Variants in SPATA6 observed in about 807,000 individuals in gnomAD.
SPATA6 encodes the protein spermatogenesis associated 6, also known as spermatogenesis-associated protein 6.
SPATA6 carries 56 observed loss-of-function variants against 65.3 expected under a neutral mutation model. The observed-to-expected ratio is 0.86, with a 90% CI of 0.69 to 1.07. The LOEUF (loss-of-function observed/expected upper bound fraction) is 1.07, where lower values mean the gene tolerates loss of function less well. SPATA6 is among the 50% of genes least tolerant of loss of function. The pLI, the probability that SPATA6 is intolerant of heterozygous loss-of-function variation, is 0.00. For missense variants in SPATA6, 590 were observed against 594.8 expected (o/e 0.99, Z 0.08); for synonymous variants, 199 against 213.2 (o/e 0.93, Z 0.58).
chr1:48,411,282 T>C (rs1036958911), intron 5 of SPATA6, among the ~76,000 whole-genome samples, 182 bp downstream of exon 5: 1 of 152,240 alleles, frequency 6.6e-6, no homozygotes. Context: ...TAAATAAATA[T>C]CTTTATATGT....
the SPATA6 span, among the ~76,000 whole-genome samples, chr1:48,264,030 T>A: frequency 6.6e-6 from 1 of 152,200 alleles, no homozygotes; most frequent in South Asian, 2.1e-4. Flanking sequence ...AGTCTTGCTA[T>A]GTTGCCCAGG....
intron 12 of SPATA6, among the ~76,000 whole-genome samples, chr1:48,304,494 A>G (rs1645012738): frequency 6.6e-6 from 1 of 152,144 alleles, no homozygotes. Flanking sequence ...TACCCATGAT[A>G]TCCCATTTTT....
chr1:48,343,428 A>G (rs1034367498), intron 11 of SPATA6, among the ~76,000 whole-genome samples: 5 of 152,202 alleles, frequency 3.3e-5, no homozygotes, highest in Admixed American at 2.6e-4. Flanking sequence ...ATGAACAATG[A>G]CATTAAGTAA....
At chr1:48,413,262 A>G (rs1652435631) in intron 3 of SPATA6, 111 bp from the exon 4 acceptor site, 1 of 332,548 alleles carries the variant, frequency 3.0e-6, no homozygotes, top group Non-Finnish European at 5.5e-6. Context: ...TAGACTACAT[A>G]TATGTTTATA....
Position 48,351,660 on chromosome 1 carries a change from A to G in SPATA6, c.1194+4010T>C, listed in dbSNP as rs115041597. 2.8e-3 allele frequency among the ~76,000 whole-genome samples: 430 copies of G among 152,244 alleles called. 2 individuals are homozygous for G. The highest frequency in any genetic ancestry group is 9.9e-3 in the African/African-American group (411 of 41,566). On this transcript the variant is annotated intron_variant, in intron 11 of 12. Coordinates refer to ENST00000371847, the MANE Select transcript of SPATA6 (RefSeq NM_019073.4). Reference sequence around the variant, plus strand: ...TTGTGATGTATTTTCATTTTTATATACAGATGGATTTAATTTGCTAATATG... The same window carrying G: ...TTGTGATGTATTTTCATTTTTATATGCAGATGGATTTAATTTGCTAATATG...
chr1:48,421,428 C>CTCTA (rs1290857046), intron 3 of SPATA6, among the ~76,000 whole-genome samples: 2 of 151,918 alleles, frequency 1.3e-5, no homozygotes, highest in African/African-American at 4.8e-5. Context: ...TATATTTGAT[C>CTCTA]TCTATCTTAT....
rs1215533406 is a variant in SPATA6 at position 48,298,478 on chromosome 1, T to C, written c.*235A>G. The C allele has an allele frequency of 5.6e-6, 2 of 357,700 alleles. No homozygotes were observed. Among genetic ancestry groups the C allele is most frequent in the Non-Finnish European group, 1.0e-5 (2 of 200,658 alleles). The allele number at this position is 357,700 out of a possible 1,614,324, so 22.2% of individuals were successfully genotyped here. A position where few individuals can be genotyped will look rare whatever the true frequency, so the allele number is the denominator to read the frequency against. On this transcript the variant is annotated 3_prime_UTR_variant, in exon 13 of 13. Transcript: ENST00000371847. The stretch of plus-strand genomic sequence containing the variant: ...TATCCTTGTCACATATTGGAAGTTG[T>C]GATTGTGTGACAGAGCTCTAATGTT...
chr1:48,464,675 CAG>C (rs59702245), intron 1 of SPATA6, among the ~76,000 whole-genome samples: 3,771 of 152,218 alleles, frequency 0.025, 103 homozygotes, highest in African/African-American at 0.067. Flanking sequence ...ACAAAATAGA[CAG>C]ATCATAGATA....
intron 1 of SPATA6, among the ~76,000 whole-genome samples, chr1:48,453,465 A>G (rs1440057696): frequency 6.6e-6 from 1 of 152,186 alleles, no homozygotes; most frequent in Non-Finnish European, 1.5e-5. Context: ...AAAGTTATTC[A>G]GCATCATTTA....
chr1:48,366,449 C>T (rs917544612), intron 9 of SPATA6, among the ~76,000 whole-genome samples: 6 of 152,122 alleles, frequency 3.9e-5, no homozygotes, highest in Non-Finnish European at 7.4e-5. Flanking sequence ...GGTTGGTAAG[C>T]TATTGATTAT....
intron 3 of SPATA6, among the ~76,000 whole-genome samples, chr1:48,431,482 A>AGTATATATGGG (rs1208697574): frequency 1.3e-5 from 2 of 152,174 alleles, no homozygotes; most frequent in African/African-American, 4.8e-5. Context: ...ATTTTTCTCA[A>AGTATATATGGG]GTATATATGG....
chr1:48,438,884 G>C (rs1655192532), intron 3 of SPATA6, among the ~76,000 whole-genome samples: 1 of 152,164 alleles, frequency 6.6e-6, no homozygotes. Flanking sequence ...GCCCCATCAG[G>C]TGGGGGGGAC....
the SPATA6 span, among the ~76,000 whole-genome samples, chr1:48,286,846 G>A: frequency 2.0e-5 from 3 of 152,134 alleles, no homozygotes; most frequent in South Asian, 4.2e-4. Context: ...AGACCAGCCT[G>A]GCCAACATGG....
At chr1:48,300,295 A>C (rs1354876248) in intron 12 of SPATA6, among the ~76,000 whole-genome samples, 1 of 152,202 alleles carries the variant, frequency 6.6e-6, no homozygotes, top group Non-Finnish European at 1.5e-5. Context: ...ACTTTTATAG[A>C]TTAGACCTTC....
At chr1:48,312,548 C>G (rs1375351192) in intron 11 of SPATA6, among the ~76,000 whole-genome samples, 1 of 152,118 alleles carries the variant, frequency 6.6e-6, no homozygotes, top group African/African-American at 2.4e-5. Flanking sequence ...CCCATCTGTA[C>G]GTCACCATCA....
At chr1:48,313,972 A>G (rs190544055) in intron 11 of SPATA6, among the ~76,000 whole-genome samples, 2 of 152,340 alleles carry the variant, frequency 1.3e-5, no homozygotes, top group East Asian at 3.9e-4. Flanking sequence ...AAAGGGATCA[A>G]TTCAACAAGA....
At chr1:48,301,784 C>T (rs1334267193) in intron 12 of SPATA6, among the ~76,000 whole-genome samples, 1 of 152,196 alleles carries the variant, frequency 6.6e-6, no homozygotes, top group Non-Finnish European at 1.5e-5. Flanking sequence ...GGGGAAAGGA[C>T]AGTCTTTTCA....
chr1:48,316,120 C>T (rs1037724276), intron 11 of SPATA6, among the ~76,000 whole-genome samples: 4 of 152,116 alleles, frequency 2.6e-5, no homozygotes, highest in South Asian at 4.1e-4. Flanking sequence ...AGGTAATTTA[C>T]AGATTCAATG....
intron 3 of SPATA6, among the ~76,000 whole-genome samples, chr1:48,446,190 C>T (rs1330208109): frequency 1.3e-5 from 2 of 152,160 alleles, no homozygotes; most frequent in East Asian, 3.9e-4. Context: ...CCCTCTTCCC[C>T]AGTGTTGAGA....
Sources: gnomAD v4.1 joint callset for allele counts (sites outside exome capture counted in the v4.1 genomes callset) on GRCh38, gnomAD v4.1.1 for gene constraint, MANE v1.5 for transcripts, NCBI Gene and HGNC (gene_info 2026-07-23, HGNC 2026-07-21) for gene names.